The following COL5A3 variants were observed in gnomAD, a reference collection of about 807,000 sequenced individuals.
The protein encoded by COL5A3 is collagen type V alpha 3 chain.
In COL5A3, 172 loss-of-function variants were observed where a neutral mutation model predicts 250.0. The observed-to-expected ratio is 0.69, with a 90% CI of 0.61 to 0.78. The LOEUF is 0.78. COL5A3 is among the 30% of genes least tolerant of loss of function. COL5A3 has a pLI of 0.00. For missense variants in COL5A3, 2,340 were observed against 2,334.4 expected, an observed-to-expected ratio of 1.00 and a Z score of -0.05; for synonymous variants, 937 against 900.4, an observed-to-expected ratio of 1.04 and a Z score of -0.73.
At chr19:9,994,933 T>A (rs2087247972) in intron 16 of COL5A3, among the ~76,000 whole-genome samples, 1 of 152,040 alleles carries the variant, frequency 6.6e-6, no homozygotes, top group African/African-American at 2.4e-5. Flanking sequence ...TATTATTATT[T>A]TTTGAGACAC....
At chr19:9,976,939 G>A (rs1165312905) in intron 44 of COL5A3, among the ~76,000 whole-genome samples, 3 of 152,106 alleles carry the variant, frequency 2.0e-5, no homozygotes, top group Non-Finnish European at 2.9e-5. Flanking sequence ...AGAGTCACAG[G>A]CAGAGGGAAG....
intron 1 of COL5A3, among the ~76,000 whole-genome samples, chr19:10,008,441 G>A (rs1228107072): frequency 4.6e-5 from 3 of 65,212 alleles, no homozygotes; most frequent in Admixed American, 1.5e-4. Context: ...CAGGGGACAA[G>A]GGGTGGGGGG....
rs543957774 is a variant in COL5A3, at chr19:9,997,437, T to C, written c.1201-4A>G. The stretch of plus-strand genomic sequence containing the variant: ...GGCCTGAGGGGCCAACCACCCCCTG[T>C]TGGGGACAGAGAAACAGGAGTCACA... On this transcript the variant is annotated splice_polypyrimidine_tract_variant and splice_region_variant and intron_variant, in intron 10 of 66. Transcript: ENST00000264828. The C allele has an allele frequency of 8.1e-6, 13 of 1,599,182 alleles. No homozygotes were observed. Among genetic ancestry groups the C allele is most frequent in the Non-Finnish European group, 1.1e-5 (13 of 1,173,414 alleles).
intron 13 of COL5A3, 29 bp downstream of exon 13, chr19:9,996,404 C>T (rs762776390): frequency 1.1e-5 from 17 of 1,610,820 alleles, no homozygotes; most frequent in Non-Finnish European, 1.3e-5. Context: ...TCTGGGGTTC[C>T]TCCCACTATG....
In COL5A3 at chr19:10,006,154, G is replaced by A; in HGVS notation, c.166C>T (p.Gln56Ter). 6.2e-7 allele frequency: 1 copy of A among 1,611,866 alleles called. No homozygotes were observed. Among genetic ancestry groups the A allele is most frequent in the Middle Eastern group, 1.7e-4 (1 of 6,058 alleles). The change falls in exon 2 of 67, where the codon CAG becomes TAG. Residue 56 changes from glutamine (Q) to a stop codon, truncating the protein, a stop_gained. Transcript: ENST00000264828. LOFTEE classifies it high-confidence loss of function. The part of the protein sequence containing the change: ...GVPEGPGFCP[Q>*]RTPEGDRAFR... ...GCCCGGTCACCCTCTGGAGTCCTCTGGGGACAGAAGCCAGGCCCCTCGGGG... is the reference window on the plus strand; with the variant it reads ...GCCCGGTCACCCTCTGGAGTCCTCTAGGGACAGAAGCCAGGCCCCTCGGGG...
intron 4 of COL5A3, among the ~76,000 whole-genome samples, chr19:10,004,371 T>C (rs909937928): frequency 3.3e-4 from 50 of 152,246 alleles, no homozygotes; most frequent in African/African-American, 1.1e-3. Flanking sequence ...GCACACCCGA[T>C]CCCAACCACA....
At chr19:9,982,964 TCCTA>T in intron 31 of COL5A3, among the ~76,000 whole-genome samples, 1 of 152,288 alleles carries the variant, frequency 6.6e-6, no homozygotes, top group East Asian at 1.9e-4. Flanking sequence ...CAAGTGATCC[TCCTA>T]CCTCAACCTC....
intron 24 of COL5A3, 57 bp from the exon 25 acceptor site, chr19:9,989,579 A>T: frequency 6.9e-7 from 1 of 1,459,088 alleles, no homozygotes; most frequent in Non-Finnish European, 9.4e-7. Flanking sequence ...CTGGAGCACC[A>T]CTAGGATCTA....
intron 18 of COL5A3, 53 bp downstream of exon 18, chr19:9,993,566 C>G (rs2087226563): frequency 1.3e-6 from 2 of 1,599,712 alleles, no homozygotes; most frequent in Admixed American, 1.7e-5. Flanking sequence ...GTTGGGGGGG[C>G]TTGAATATTG....
chr19:9,979,057 C>A, intron 39 of COL5A3, 75 bp downstream of exon 39: 1 of 1,465,268 alleles, frequency 6.8e-7, no homozygotes, highest in Non-Finnish European at 9.2e-7. Context: ...AGGGCCCCCT[C>A]CCCCATGAGA....
chr19:10,005,852 ACCCAGCGCTGGCCCCAGTG>A lies in COL5A3; in HGVS notation c.362_380del (p.Ala121ValfsTer3). ...GGGGGCGGAAGGGGTCACCTAGGAG[ACCCAGCGCTGGCCCCAGTG>A]CCAGGCCCAACTGCCGGGCACCCCT... is the stretch of plus-strand genomic sequence containing the variant. On this transcript the variant is annotated frameshift_variant, in exon 3 of 67. Transcript: ENST00000264828. LOFTEE classifies it high-confidence loss of function. The A allele has an allele frequency of 6.2e-7, 1 of 1,613,636 alleles. No individual in the cohort carries two copies. The highest frequency in any genetic ancestry group is 8.5e-7 in the Non-Finnish European group (1 of 1,179,932).
intron 16 of COL5A3, 80 bp downstream of exon 16, chr19:9,995,484 C>T (rs1304883685): frequency 7.6e-7 from 1 of 1,317,534 alleles, no homozygotes; most frequent in Admixed American, 2.2e-5. Context: ...ACCAGCAGAC[C>T]CCAAGGTCAC....
intron 12 of COL5A3, 21 bp downstream of exon 12, chr19:9,996,594 G>A (rs2087277059): frequency 1.9e-6 from 3 of 1,613,818 alleles, no homozygotes; most frequent in Non-Finnish European, 2.5e-6. Flanking sequence ...CCAAGGCTGG[G>A]CCACTCCATC....
Position 9,979,871 on chromosome 19 carries a change from G to C in COL5A3, c.2680C>G (p.Arg894Gly). Residue 894 changes from arginine (R) to glycine (G), a missense_variant, in exon 37 of 67, where the codon CGA becomes GGA. By Grantham distance (125) the Arg-to-Gly change is moderately radical. Around this residue, in one of 3 missense-constraint regions of COL5A3, gnomAD observed 1,179 missense variants for 1,162.6 expected, o/e 1.01. Coordinates refer to ENST00000264828, the MANE Select transcript of COL5A3 (RefSeq NM_015719.4). ...CCTCTCTGTCCAGGGTGCCCTGGTC[G>C]CCCATCTTTACCTTGGTGACCCTGG... Reference protein sequence around the residue: ...GPPGHQGKDGRPGHPGQRGEL... With the variant: ...GPPGHQGKDGGPGHPGQRGEL... The C allele has an allele frequency of 6.3e-7, 1 of 1,575,370 alleles. No homozygotes were observed. The highest frequency in any genetic ancestry group is 1.2e-5 in the South Asian group (1 of 84,026).
intron 27 of COL5A3, among the ~76,000 whole-genome samples, chr19:9,988,094 A>G (rs11085513): frequency 0.45 from 68,588 of 151,670 alleles, 17,664 homozygotes; most frequent in African/African-American, 0.71. Context: ...AATTAGCCAG[A>G]CGTGGTGGCA....
At position 9,960,315 on chromosome 19, in the gene COL5A3, G is replaced by T; in HGVS notation, c.*96C>A. On this transcript the variant is annotated 3_prime_UTR_variant, in exon 67 of 67. Transcript: ENST00000264828. ...GAAGTCACATCCCATTGGCTCCATAGTCACAGGTAACGAAAAATACGGTGG... is the reference window on the plus strand; with the variant it reads ...GAAGTCACATCCCATTGGCTCCATATTCACAGGTAACGAAAAATACGGTGG... The T allele has an allele frequency of 6.9e-7, 1 of 1,455,080 alleles. No homozygotes were observed. Among genetic ancestry groups the T allele is most frequent in the Non-Finnish European group, 9.5e-7 (1 of 1,053,470 alleles). The allele number at this position is 1,455,080 out of a possible 1,614,324, so 90.1% of individuals were successfully genotyped here.
At position 9,969,634 on chromosome 19, in the gene COL5A3, C is replaced by T. The variant is rs541014151; in HGVS notation, c.4039G>A (p.Ala1347Thr). The T allele has an allele frequency of 7.8e-4, 1,238 of 1,594,708 alleles. 17 individuals carry two copies. In the South Asian group the frequency reaches 0.013, roughly 17 times the overall value. The change falls in exon 56 of 67, where the codon GCT becomes ACT. Residue 1347 changes from alanine (A) to threonine (T), a missense_variant. Coordinates refer to ENST00000264828, the MANE Select transcript of COL5A3 (RefSeq NM_015719.4). ...CCCACACGTCCAGGGGGCCCTCTAG[C>T]CCCCATTGGACCCGTCCTCCCTGGG... Reference protein sequence around the residue: ...GPPGRTGPMGARGPPGRVGPE... With the variant: ...GPPGRTGPMGTRGPPGRVGPE...
rs200626550 is a variant in COL5A3 at position 9,986,798 on chromosome 19, G to C, written c.2146-40C>G. 3,070 of 1,607,572 alleles carry C rather than the reference G, an allele frequency of 1.9e-3. 7 individuals are homozygous for C. Among genetic ancestry groups the C allele is most frequent in the Non-Finnish European group, 2.3e-3 (2,660 of 1,176,788 alleles). On this transcript the variant is annotated intron_variant, in intron 27 of 66. Transcript: ENST00000264828. ...AAAAAAGCTCTCAAGCCTCTTCCCT[G>C]CTTAAGAAGTGACCCAGACTCAGTC...
intron 51 of COL5A3, among the ~76,000 whole-genome samples, chr19:9,971,497 TCA>T (rs986023968): frequency 1.3e-5 from 2 of 152,186 alleles, no homozygotes; most frequent in Non-Finnish European, 1.5e-5. Context: ...AGCTCGGGAC[TCA>T]CAGAGAAAAC....
Sources: allele counts gnomAD v4.1 joint callset (sites outside exome capture counted in the v4.1 genomes callset), GRCh38; gene constraint gnomAD v4.1.1; regional missense constraint gnomAD v4.1.1; transcripts MANE v1.5; gene names NCBI Gene and HGNC (gene_info 2026-07-23, HGNC 2026-07-21).